Variants in AFTPH observed in about 807,000 individuals in gnomAD.
AFTPH encodes aftiphilin.
Under a neutral mutation model 72.5 loss-of-function variants are expected in AFTPH, and 7 were observed. The observed-to-expected ratio is 0.10, with a 90% confidence interval of 0.05 to 0.18. The LOEUF (loss-of-function observed/expected upper bound fraction) is 0.18, where lower values mean the gene tolerates loss of function less well. AFTPH is among the 10% of genes least tolerant of loss of function. The pLI is 1.00. For missense variants in AFTPH, 979 were observed against 1,060.5 expected, an observed-to-expected ratio of 0.92 and a Z score of 1.07; for synonymous variants, 337 against 370.1, an observed-to-expected ratio of 0.91 and a Z score of 1.03.
intron 1 of AFTPH, among the ~76,000 whole-genome samples, chr2:64,543,974 G>A (rs1670409165): frequency 6.6e-6 from 1 of 152,084 alleles, no homozygotes; most frequent in African/African-American, 2.4e-5. Context: ...CTGCCATCCT[G>A]GCTACTAATC....
intron 7 of AFTPH, among the ~76,000 whole-genome samples, chr2:64,585,081 C>T (rs1673432154): frequency 6.6e-6 from 1 of 152,144 alleles, no homozygotes; most frequent in Non-Finnish European, 1.5e-5. Context: ...ATTTATAAAA[C>T]ATTGATAATT....
chr2:64,545,616 CT>C (rs1670553456), intron 1 of AFTPH, among the ~76,000 whole-genome samples: 1 of 74,802 alleles, frequency 1.3e-5, no homozygotes, highest in Non-Finnish European at 3.1e-5. Flanking sequence ...AAAAAAAGAC[CT>C]GACCTATTGT....
exon 9 of AFTPH, chr2:64,592,068 C>G: frequency 6.3e-7 from 1 of 1,580,470 alleles, no homozygotes; most frequent in Non-Finnish European, 8.6e-7. Context: ...TATTGCTTTT[C>G]CTTTTTTCCA....
At chr2:64,583,686 T>C (rs1425799492) in intron 7 of AFTPH, among the ~76,000 whole-genome samples, 1 of 152,196 alleles carries the variant, frequency 6.6e-6, no homozygotes, top group Admixed American at 6.5e-5. Context: ...TTTTTTACAT[T>C]TTAATTGCAA....
In AFTPH at chr2:64,552,807, A is replaced by G. The variant is rs769194006; in HGVS notation, c.1333A>G (p.Thr445Ala). 39 of 1,613,970 alleles carry G rather than the reference A, an allele frequency of 2.4e-5. No individual in the cohort carries two copies. Among genetic ancestry groups the G allele is most frequent in the African/African-American group, 5.3e-5 (4 of 74,904 alleles). Residue 445 changes from threonine to alanine, a missense_variant, in exon 2 of 9, where the codon ACT becomes GCT. Physicochemically the swap from Thr to Ala is moderately conservative, Grantham distance 58. Around this residue, in one of 3 missense-constraint regions of AFTPH, gnomAD observed 498 missense variants for 467.6 expected, o/e 1.06. Coordinates refer to ENST00000238856, the Ensembl canonical transcript of AFTPH. ...TGACTTTGGCTCTGCCAGTGGCTCA[A>G]CTCCACCTTTTGTTACTGGTACTCA...
chr2:64,549,308 CTTTTTTTTTTTTT>C (rs34951706), intron 1 of AFTPH, among the ~76,000 whole-genome samples: 39 of 56,036 alleles, frequency 7.0e-4, no homozygotes, highest in Middle Eastern at 0.019. Context: ...TTAGTCCTCC[CTTTTTTTTTTTTT>C]TTTTTTTTTT....
intron 7 of AFTPH, among the ~76,000 whole-genome samples, chr2:64,581,756 A>G (rs536167550): frequency 1.3e-5 from 2 of 152,350 alleles, no homozygotes; most frequent in African/African-American, 4.8e-5. Flanking sequence ...TAAATATATA[A>G]TTGGGTTCCA....
intron 6 of AFTPH, among the ~76,000 whole-genome samples, chr2:64,576,959 A>AT (rs2104146982): frequency 6.6e-6 from 1 of 152,254 alleles, no homozygotes; most frequent in South Asian, 2.1e-4. Flanking sequence ...GGGTTTCACC[A>AT]TGTTGGCCAG....
chr2:64,574,138 T>C lies in AFTPH; in HGVS notation c.2394+1070T>C, dbSNP rs376737742. ...CTGACTCAGTGCTGGTTAAATATTA[T>C]AGTTTTAGAAGATTAGTATTTTTAA... On this transcript the variant is annotated intron_variant, in intron 6 of 8. Transcript: ENST00000238856. Among the ~76,000 whole-genome samples, 4 of 152,372 alleles carry C rather than the reference T, an allele frequency of 2.6e-5. No homozygotes were observed. In the East Asian group the frequency reaches 5.8e-4, roughly 22 times the overall value.
chr2:64,529,614 A>G (rs1417605425), intron 1 of AFTPH, among the ~76,000 whole-genome samples: 1 of 147,822 alleles, frequency 6.8e-6, no homozygotes, highest in African/African-American at 2.5e-5. Flanking sequence ...AAAATAGACA[A>G]GCAAAAAAAA....
At chr2:64,532,021 T>C (rs1572938131) in intron 1 of AFTPH, among the ~76,000 whole-genome samples, 1 of 152,246 alleles carries the variant, frequency 6.6e-6, no homozygotes, top group African/African-American at 2.4e-5. Flanking sequence ...CGGTAATTTT[T>C]CAAGTTACAA....
chr2:64,555,977 A>G (rs1217649409), intron 2 of AFTPH, among the ~76,000 whole-genome samples: 2 of 141,232 alleles, frequency 1.4e-5, no homozygotes, highest in Non-Finnish European at 3.0e-5. Context: ...TTGGAACAGC[A>G]CGAATTCCTC....
rs183805673 is a variant in AFTPH at position 64,534,531 on chromosome 2, G to A, written c.-33+9919G>A. ...TCCATATTTCAGATTCTGTGCCAGC[G>A]GATGATAGTTTTCTGTCTCATTAGG... is the stretch of plus-strand genomic sequence containing the variant. On this transcript the variant is annotated intron_variant, in intron 1 of 8. Coordinates refer to ENST00000238856, the Ensembl canonical transcript of AFTPH. Among the ~76,000 whole-genome samples, 25 of 152,176 alleles carry A rather than the reference G, an allele frequency of 1.6e-4. No homozygotes were observed. In the East Asian group the frequency reaches 2.9e-3, roughly 18 times the overall value.
chr2:64,561,564 C>G (rs1671745820), intron 2 of AFTPH, among the ~76,000 whole-genome samples: 1 of 152,154 alleles, frequency 6.6e-6, no homozygotes, highest in Non-Finnish European at 1.5e-5. Flanking sequence ...CACCTGTGGT[C>G]CTAGCTACCC....
chr2:64,574,819 C>T (rs58076651), intron 6 of AFTPH, among the ~76,000 whole-genome samples: 5,261 of 152,286 alleles, frequency 0.035, 329 homozygotes, highest in African/African-American at 0.12. Context: ...TGCCCTGATA[C>T]GCCCTCTGGC....
At chr2:64,528,539 G>A (rs1035158368) in intron 1 of AFTPH, among the ~76,000 whole-genome samples, 1 of 152,200 alleles carries the variant, frequency 6.6e-6, no homozygotes, top group African/African-American at 2.4e-5. Context: ...AGTTTTGGGG[G>A]ATAGGGAGTG....
chr2:64,587,429 C>T (rs773160675), intron 8 of AFTPH, among the ~76,000 whole-genome samples: 2 of 152,186 alleles, frequency 1.3e-5, no homozygotes, highest in Non-Finnish European at 2.9e-5. Context: ...GAGTGATTCT[C>T]AATCGTACAG....
chr2:64,586,280 C>T (rs1254809611), intron 8 of AFTPH, among the ~76,000 whole-genome samples: 5 of 152,208 alleles, frequency 3.3e-5, no homozygotes, highest in African/African-American at 1.2e-4. Context: ...TTGATTGACA[C>T]GCCAGCTCTG....
In AFTPH at chr2:64,539,766, C is replaced by T. The variant is rs949839113; in HGVS notation, c.-32-11677C>T. On this transcript the variant is annotated intron_variant, in intron 1 of 8. Coordinates refer to ENST00000238856, the Ensembl canonical transcript of AFTPH. The stretch of plus-strand genomic sequence containing the variant: ...AGTCATTTGAGCTCAAATAAAGTAA[C>T]TCTTGAAAGAGCAGTTTCGGTAGAG... 1.2e-4 allele frequency among the ~76,000 whole-genome samples: 18 copies of T among 152,238 alleles called. No homozygotes were observed. The East Asian group carries it at 2.9e-3, about 24-fold the overall frequency.
Sources: gnomAD v4.1 joint callset for allele counts (sites outside exome capture counted in the v4.1 genomes callset) on GRCh38, gnomAD v4.1.1 for gene constraint, gnomAD v4.1.1 regional missense constraint, MANE v1.5 for transcripts, NCBI Gene and HGNC (gene_info 2026-07-23, HGNC 2026-07-21) for gene names.